UBR3: variants seen among roughly 807,000 people sequenced by gnomAD.
The protein encoded by UBR3 is E3 ubiquitin-protein ligase UBR3.
A neutral mutation model predicts 243.2 loss-of-function variants in UBR3; 85 were observed. The observed-to-expected ratio is 0.35, with a 90% CI of 0.29 to 0.42. UBR3 has a LOEUF of 0.42. Among genes scored for constraint, UBR3 ranks in the 10% least tolerant of loss-of-function variants. The pLI, the probability that UBR3 is intolerant of heterozygous loss-of-function variation, is 1.00. For synonymous variants in UBR3, 748 were observed against 799.8 expected, an observed-to-expected ratio of 0.94 and a Z score of 1.09; for missense variants, 1,686 against 2,300.8, an observed-to-expected ratio of 0.73 and a Z score of 5.47.
intron 19 of UBR3, 100 bp downstream of exon 19, chr2:169,933,108 C>A: frequency 1.4e-6 from 1 of 734,584 alleles, no homozygotes. Flanking sequence ...TTAAAGTATA[C>A]TTTCATTCTT....
At chr2:169,954,157 A>G (rs1304448773) in intron 23 of UBR3, among the ~76,000 whole-genome samples, 1 of 131,688 alleles carries the variant, frequency 7.6e-6, no homozygotes, top group Non-Finnish European at 1.6e-5. Context: ...TGTCCCAATA[A>G]TGTTTGATTT....
At chr2:169,995,770 T>G (rs1430501683) in intron 26 of UBR3, among the ~76,000 whole-genome samples, 1 of 152,226 alleles carries the variant, frequency 6.6e-6, no homozygotes, top group Admixed American at 6.5e-5. Flanking sequence ...AGTAGTTTTT[T>G]TTCAGGCTCT....
At chr2:169,987,392 C>G (rs1054419004) in intron 25 of UBR3, among the ~76,000 whole-genome samples, 2 of 65,998 alleles carry the variant, frequency 3.0e-5, no homozygotes, top group Non-Finnish European at 3.3e-5. Context: ...GACTCTGTCT[C>G]AAAAAAAAAA....
intron 29 of UBR3, among the ~76,000 whole-genome samples, chr2:170,012,671 T>TG (rs759460385): frequency 4.4e-4 from 22 of 50,474 alleles, no homozygotes; most frequent in African/African-American, 1.6e-3. Flanking sequence ...ATGAAGATAC[T>TG]GGTTTTTTTT....
chr2:169,992,684 G>A (rs745649974), intron 25 of UBR3, among the ~76,000 whole-genome samples: 4 of 152,086 alleles, frequency 2.6e-5, no homozygotes, highest in South Asian at 2.1e-4. Flanking sequence ...CAGCTCTTCT[G>A]ATGCACACAT....
At chr2:169,837,163 G>A (rs1411676624) in intron 1 of UBR3, among the ~76,000 whole-genome samples, 1 of 152,152 alleles carries the variant, frequency 6.6e-6, no homozygotes, top group African/African-American at 2.4e-5. Flanking sequence ...GTCTGTATTA[G>A]TCTGTTTTCG....
chr2:170,012,806 G>A (rs2090124338), intron 29 of UBR3, among the ~76,000 whole-genome samples: 1 of 151,954 alleles, frequency 6.6e-6, no homozygotes, highest in Non-Finnish European at 1.5e-5. Context: ...TTGAGAATGT[G>A]GGGTGTGTAG....
chr2:170,067,297 CCT>C (rs1159367548), intron 35 of UBR3, among the ~76,000 whole-genome samples: 2 of 152,062 alleles, frequency 1.3e-5, no homozygotes, highest in African/African-American at 4.8e-5. Flanking sequence ...AAATAAATTC[CCT>C]CTCTCAATAG....
chr2:170,079,715 G>A (rs1201912443), intron 36 of UBR3, 99 bp from the exon 37 acceptor site: 1 of 1,069,552 alleles, frequency 9.3e-7, no homozygotes, highest in African/African-American at 1.6e-5. Flanking sequence ...CACATTCTTG[G>A]AGGCAGATTT....
At chr2:169,844,895 T>A (rs1471969657) in intron 1 of UBR3, among the ~76,000 whole-genome samples, 2 of 152,170 alleles carry the variant, frequency 1.3e-5, no homozygotes, top group Non-Finnish European at 2.9e-5. Context: ...CTGCTCTTTA[T>A]TATTTTCTTC....
Position 169,827,868 on chromosome 2 carries a change from G to T in UBR3, c.361G>T (p.Gly121Cys). 6.6e-7 allele frequency: 1 copy of T among 1,506,588 alleles called. No individual in the cohort carries two copies. Among genetic ancestry groups the T allele is most frequent in the Non-Finnish European group, 8.8e-7 (1 of 1,132,036 alleles). 93.3% of individuals were successfully genotyped at this position (1,506,588 alleles called of 1,614,324 possible). A position where few individuals can be genotyped will look rare whatever the true frequency, so the allele number is the denominator to read the frequency against. ...GGCCTACGATCCCGCGGCGCTCTGC[G>T]GCCTGGTCTGGACAGCCAACTTCGT... ...VRAYDPAALCGLVWTANFVAY... is the reference protein window; with the variant it reads ...VRAYDPAALCCLVWTANFVAY... The change falls in exon 1 of 39, where the codon GGC becomes TGC. Residue 121 changes from glycine to cysteine, a missense_variant. Transcript: ENST00000272793.
At chr2:170,040,793 C>G in intron 31 of UBR3, 89 bp from the exon 32 acceptor site, 1 of 996,560 alleles carries the variant, frequency 1.0e-6, no homozygotes, top group South Asian at 2.3e-5. Context: ...GTTTTTATTT[C>G]TGTTCCATAG....
chr2:170,073,269 T>C (rs1039028927), intron 35 of UBR3, 159 bp from the exon 36 acceptor site: 12 of 719,220 alleles, frequency 1.7e-5, no homozygotes, highest in Admixed American at 6.0e-5. Flanking sequence ...TAGGAACCTT[T>C]TTCTCTCTTG....
intron 32 of UBR3, among the ~76,000 whole-genome samples, chr2:170,053,236 A>G (rs2091261218): frequency 6.6e-6 from 1 of 152,306 alleles, no homozygotes; most frequent in East Asian, 1.9e-4. Flanking sequence ...AATTGTTTGT[A>G]CAAAGAGTAT....
chr2:169,957,239 A>G (rs767453199), intron 23 of UBR3, among the ~76,000 whole-genome samples: 2 of 149,690 alleles, frequency 1.3e-5, no homozygotes, highest in Non-Finnish European at 3.0e-5. Context: ...TTATTTTCCT[A>G]TTCTTATGTT....
intron 24 of UBR3, among the ~76,000 whole-genome samples, chr2:169,971,522 C>T (rs1455329260): frequency 6.6e-6 from 1 of 151,418 alleles, no homozygotes; most frequent in Non-Finnish European, 1.5e-5. Flanking sequence ...AGGAAGGGAT[C>T]CAGTTTCAGC....
intron 20 of UBR3, 135 bp downstream of exon 20, chr2:169,942,769 G>T (rs1160077604): frequency 2.3e-6 from 2 of 884,886 alleles, no homozygotes; most frequent in South Asian, 3.0e-5. Flanking sequence ...ATGAAGATAT[G>T]TTATAATCAC....
chr2:170,015,446 T>C (rs1024790201), intron 30 of UBR3, 80 bp downstream of exon 30: 2 of 1,162,838 alleles, frequency 1.7e-6, no homozygotes, highest in Non-Finnish European at 2.5e-6. Context: ...CATTTTGGTA[T>C]ATTTCAAATT....
At chr2:170,025,762 A>T (rs529779921) in intron 30 of UBR3, among the ~76,000 whole-genome samples, 1 of 152,274 alleles carries the variant, frequency 6.6e-6, no homozygotes, top group East Asian at 1.9e-4. Flanking sequence ...GGATTGGTGG[A>T]GGGCAAGGCT....
Sources: gnomAD v4.1 joint callset for allele counts (sites outside exome capture counted in the v4.1 genomes callset) on GRCh38, gnomAD v4.1.1 for gene constraint, MANE v1.5 for transcripts, NCBI Gene and HGNC (gene_info 2026-07-23, HGNC 2026-07-21) for gene names.